Variants in PHACTR1 observed in about 807,000 individuals in gnomAD.
PHACTR1 encodes the protein phosphatase and actin regulator 1.
In PHACTR1, 16 loss-of-function variants were observed where a neutral mutation model predicts 69.2. That is an observed-to-expected ratio of 0.23 (90% CI 0.16 to 0.35). The LOEUF is 0.35. Among genes scored for constraint, PHACTR1 ranks in the 10% least tolerant of loss-of-function variants. The pLI, the probability that PHACTR1 is intolerant of heterozygous loss-of-function variation, is 1.00. For missense variants in PHACTR1, 510 were observed against 734.7 expected (o/e 0.69, Z 3.54); for synonymous variants, 312 against 284.5 (o/e 1.10, Z -0.97).
At chr6:13,193,357 G>GTGTGTATATATATA (rs536184609) in intron 7 of PHACTR1, among the ~76,000 whole-genome samples, 1 of 68,162 alleles carries the variant, frequency 1.5e-5, no homozygotes, top group African/African-American at 4.2e-5. Flanking sequence ...AGCTCTCTGT[G>GTGTGTATATATATA]TATATATATA....
chr6:13,151,966 A>C (rs969665442), intron 5 of PHACTR1, among the ~76,000 whole-genome samples: 4 of 152,006 alleles, frequency 2.6e-5, no homozygotes, highest in Non-Finnish European at 5.9e-5. Context: ...TAAATGCCCT[A>C]TTTTTAACAA....
chr6:12,739,326 G>A (rs1301478437), intron 3 of PHACTR1, among the ~76,000 whole-genome samples: 3 of 151,940 alleles, frequency 2.0e-5, no homozygotes, highest in East Asian at 3.9e-4. Context: ...AAATAAGGGC[G>A]AGACACACCA....
At chr6:13,201,135 G>C (rs1183646885) in intron 7 of PHACTR1, among the ~76,000 whole-genome samples, 1 of 152,070 alleles carries the variant, frequency 6.6e-6, no homozygotes, top group South Asian at 2.1e-4. Flanking sequence ...GCACATGTAG[G>C]AGGAGCCATC....
At chr6:12,749,864 C>T in intron 4 of PHACTR1, 74 bp downstream of exon 4, 1 of 1,369,094 alleles carries the variant, frequency 7.3e-7, no homozygotes, top group South Asian at 1.5e-5. Flanking sequence ...GCCCCCGCCC[C>T]TCCCGGGCGT....
At chr6:13,096,185 C>T (rs953933928) in intron 5 of PHACTR1, among the ~76,000 whole-genome samples, 19 of 152,036 alleles carry the variant, frequency 1.2e-4, no homozygotes, top group African/African-American at 4.6e-4. Context: ...TTTTAAACAA[C>T]AGACTTTTCT....
chr6:12,851,590 G>C (rs947625709), intron 4 of PHACTR1, among the ~76,000 whole-genome samples: 5 of 152,186 alleles, frequency 3.3e-5, no homozygotes, highest in African/African-American at 1.2e-4. Flanking sequence ...GGTTGGAATA[G>C]AGTCCGGCAT....
chr6:12,837,910 G>A (rs1778313705), intron 4 of PHACTR1, among the ~76,000 whole-genome samples: 1 of 152,232 alleles, frequency 6.6e-6, no homozygotes, highest in Admixed American at 6.5e-5. Flanking sequence ...CTCTGCTTCA[G>A]TGTCTCACAA....
chr6:13,247,327 G>A (rs1035520814), intron 10 of PHACTR1, among the ~76,000 whole-genome samples: 3 of 22,112 alleles, frequency 1.4e-4, no homozygotes, highest in East Asian at 8.6e-4. Flanking sequence ...AAGTTCCCTC[G>A]TGTGTGTGTG....
At chr6:13,257,490 A>G (rs1011954330) in intron 10 of PHACTR1, among the ~76,000 whole-genome samples, 1 of 152,226 alleles carries the variant, frequency 6.6e-6, no homozygotes, top group African/African-American at 2.4e-5. Flanking sequence ...TTCATCAGAT[A>G]TATCTTAAAT....
At chr6:12,797,763 C>T (rs920003768) in intron 4 of PHACTR1, among the ~76,000 whole-genome samples, 1 of 152,166 alleles carries the variant, frequency 6.6e-6, no homozygotes, top group Non-Finnish European at 1.5e-5. Flanking sequence ...CAAGCTCATT[C>T]TTCCCTGGGG....
intron 8 of PHACTR1, among the ~76,000 whole-genome samples, chr6:13,215,778 G>A (rs1767580817): frequency 6.6e-6 from 1 of 152,182 alleles, no homozygotes; most frequent in South Asian, 2.1e-4. Flanking sequence ...TAACTGTAAT[G>A]TGAAATTTTG....
At chr6:13,216,812 T>G (rs1018206843) in intron 8 of PHACTR1, among the ~76,000 whole-genome samples, 1 of 152,220 alleles carries the variant, frequency 6.6e-6, no homozygotes, top group African/African-American at 2.4e-5. Flanking sequence ...GACCCATCTT[T>G]CCCTATAAGG....
At chr6:13,189,886 A>G (rs73371766) in intron 7 of PHACTR1, among the ~76,000 whole-genome samples, 1,785 of 152,200 alleles carry the variant, frequency 0.012, 32 homozygotes, top group African/African-American at 0.041. Flanking sequence ...TTAGTTCTGG[A>G]GGCTGGAAAG....
intron 4 of PHACTR1, among the ~76,000 whole-genome samples, chr6:12,974,119 A>G (rs975729937): frequency 1.3e-5 from 2 of 151,896 alleles, no homozygotes; most frequent in Admixed American, 6.6e-5. Flanking sequence ...ACGGGGCTTC[A>G]CCATATTGGC....
At chr6:12,722,810 G>A (rs9357466) in intron 3 of PHACTR1, among the ~76,000 whole-genome samples, 17,235 of 152,138 alleles carry the variant, frequency 0.11, 1,315 homozygotes, top group African/African-American at 0.2. Context: ...GTCAGTGAAG[G>A]AGGCTCTCTT....
At chr6:13,240,308 G>A (rs1190205512) in intron 10 of PHACTR1, among the ~76,000 whole-genome samples, 1 of 152,130 alleles carries the variant, frequency 6.6e-6, no homozygotes, top group African/African-American at 2.4e-5. Flanking sequence ...ATTACTCACA[G>A]CAACTTTTTG....
intron 5 of PHACTR1, among the ~76,000 whole-genome samples, chr6:13,095,982 G>C (rs1376121214): frequency 6.6e-6 from 1 of 152,044 alleles, no homozygotes; most frequent in Non-Finnish European, 1.5e-5. Flanking sequence ...TCTTTTAACT[G>C]TGTGCTTTCC....
At chr6:12,910,329 C>T (rs1439568382) in intron 4 of PHACTR1, among the ~76,000 whole-genome samples, 1 of 152,156 alleles carries the variant, frequency 6.6e-6, no homozygotes, top group Non-Finnish European at 1.5e-5. Flanking sequence ...CTTGCCAGTT[C>T]ATGTCTTATA....
At chr6:12,994,355 A>C (rs1009891873) in intron 4 of PHACTR1, among the ~76,000 whole-genome samples, 1 of 152,180 alleles carries the variant, frequency 6.6e-6, no homozygotes, top group Non-Finnish European at 1.5e-5. Context: ...ATCCAAAAGC[A>C]TCTGGATTTA....
Sources: allele counts gnomAD v4.1 joint callset (sites outside exome capture counted in the v4.1 genomes callset), GRCh38; gene constraint gnomAD v4.1.1; transcripts MANE v1.5; gene names NCBI Gene and HGNC (gene_info 2026-07-23, HGNC 2026-07-21).